The following CHLSN variants were observed in gnomAD, a reference collection of about 807,000 sequenced individuals.
CHLSN encodes cholesin.
the CHLSN span, among the ~76,000 whole-genome samples, chr7:1,018,415 G>A: frequency 2.0e-5 from 3 of 152,148 alleles, no homozygotes; most frequent in South Asian, 2.1e-4. Flanking sequence ...AGCCTGTGGC[G>A]TCTCAGAGCC....
the CHLSN span, chr7:1,091,453 G>A: frequency 1.6e-5 from 7 of 450,556 alleles, no homozygotes; most frequent in South Asian, 4.0e-5. Context: ...CACGGTGGCC[G>A]ACACCCGCAG....
the CHLSN span, among the ~76,000 whole-genome samples, chr7:995,758 G>A: frequency 1.3e-5 from 2 of 152,244 alleles, no homozygotes; most frequent in Non-Finnish European, 2.9e-5. Context: ...TCACCTGACC[G>A]ACACCAGGAG....
chr7:1,030,475 C>T, the CHLSN span, among the ~76,000 whole-genome samples: 3 of 152,296 alleles, frequency 2.0e-5, no homozygotes, highest in African/African-American at 4.8e-5. Context: ...GACGTGGTGC[C>T]GGCTGAGGAC....
chr7:1,000,499 G>A, the CHLSN span: 2 of 1,608,550 alleles, frequency 1.2e-6, no homozygotes, highest in Non-Finnish European at 8.5e-7. Flanking sequence ...TGCAGCAGGA[G>A]CCACGTCTGC....
At chr7:1,058,629 G>A in the CHLSN span, 1 of 618,414 alleles carries the variant, frequency 1.6e-6, no homozygotes, top group South Asian at 2.0e-5. Flanking sequence ...AGAGAAGCAG[G>A]AGGGGTGTTT....
the CHLSN span, among the ~76,000 whole-genome samples, chr7:1,133,913 C>T: frequency 6.6e-6 from 1 of 152,068 alleles, no homozygotes; most frequent in African/African-American, 2.4e-5. Flanking sequence ...CTCAAGCAAT[C>T]CTCCCAACTC....
At chr7:985,066 A>G in the CHLSN span, 1 of 1,612,528 alleles carries the variant, frequency 6.2e-7, no homozygotes, top group Middle Eastern at 1.6e-4. Context: ...GCAGGAGCTG[A>G]AATGCCTCTC....
chr7:1,097,626 G>A, the CHLSN span, among the ~76,000 whole-genome samples: 5 of 152,178 alleles, frequency 3.3e-5, no homozygotes, highest in African/African-American at 1.2e-4. This position sits in a 1 kb window ranked among gnomAD's most constrained non-coding sequence, Gnocchi z 4.3. Context: ...AATGGAGGGC[G>A]AATCTCAGGG....
At chr7:1,006,022 T>C in the CHLSN span, among the ~76,000 whole-genome samples, 76 of 152,350 alleles carry the variant, frequency 5.0e-4, no homozygotes, top group African/African-American at 1.8e-3. Context: ...GGAAAGTAAA[T>C]CTTCAATTTC....
the CHLSN span, among the ~76,000 whole-genome samples, chr7:1,061,629 G>A: frequency 2.6e-5 from 4 of 152,084 alleles, no homozygotes; most frequent in Non-Finnish European, 5.9e-5. Context: ...GCCTCCTGCC[G>A]CCCCTGAGAG....
the CHLSN span, among the ~76,000 whole-genome samples, chr7:1,040,315 A>AC: frequency 5.6e-3 from 848 of 151,664 alleles, 7 homozygotes; most frequent in Admixed American, 0.01. Context: ...ACACAGTGAG[A>AC]CCCCCCATCT....
chr7:1,053,925 C>G, the CHLSN span, among the ~76,000 whole-genome samples: 2 of 152,242 alleles, frequency 1.3e-5, no homozygotes, highest in African/African-American at 4.8e-5. Context: ...CAAACCAGCT[C>G]CTGGAGGGCA....
the CHLSN span, chr7:1,087,013 G>T: frequency 6.6e-6 from 1 of 152,270 alleles, no homozygotes; most frequent in Non-Finnish European, 1.5e-5. Context: ...GGCTTGGGGG[G>T]CCTCGCTCTG....
chr7:1,034,640 G>A, the CHLSN span, among the ~76,000 whole-genome samples: 2 of 152,166 alleles, frequency 1.3e-5, no homozygotes, highest in East Asian at 3.8e-4. Context: ...AGGTTTAGGG[G>A]TGCCTGTGCA....
At chr7:1,027,816 C>A in the CHLSN span, among the ~76,000 whole-genome samples, 108 of 152,330 alleles carry the variant, frequency 7.1e-4, 2 homozygotes, top group East Asian at 0.02. Flanking sequence ...GGTCACGCGG[C>A]GGCCGACGAC....
At chr7:978,956 A>T in the CHLSN span, among the ~76,000 whole-genome samples, 26 of 152,148 alleles carry the variant, frequency 1.7e-4, no homozygotes, top group African/African-American at 6.0e-4. Context: ...TGTCATGTGG[A>T]AGCCTGGCCA....
chr7:1,112,805 G>T, the CHLSN span, among the ~76,000 whole-genome samples: 2 of 152,008 alleles, frequency 1.3e-5, no homozygotes, highest in Non-Finnish European at 2.9e-5. Context: ...AAAACGGCAC[G>T]GCCACTCTGG....
chr7:1,002,229 GT>G, the CHLSN span, among the ~76,000 whole-genome samples: 6 of 117,946 alleles, frequency 5.1e-5, no homozygotes, highest in Non-Finnish European at 3.6e-5. Flanking sequence ...CTGCGGGTGA[GT>G]GGAGTCCTGC....
the CHLSN span, among the ~76,000 whole-genome samples, chr7:1,096,348 C>G: frequency 2.6e-5 from 4 of 152,186 alleles, no homozygotes. This position sits in a 1 kb window ranked among gnomAD's most constrained non-coding sequence, Gnocchi z 4.6. Flanking sequence ...GCCAAGCCAC[C>G]GGGCTGCGGT....
Sources: allele counts gnomAD v4.1 joint callset (sites outside exome capture counted in the v4.1 genomes callset), GRCh38; gene constraint gnomAD v4.1.1; non-coding constraint Gnocchi (gnomAD v3.1); transcripts MANE v1.5; gene names NCBI Gene and HGNC (gene_info 2026-07-23, HGNC 2026-07-21).